The following NFAT5 variants were observed in gnomAD, a reference collection of about 807,000 sequenced individuals.
The protein encoded by NFAT5 is nuclear factor of activated T-cells 5.
In NFAT5, 31 loss-of-function variants were observed where a neutral mutation model predicts 166.5. The observed-to-expected ratio is 0.19, with a 90% CI of 0.14 to 0.25. The LOEUF is 0.25. Ranked by LOEUF, NFAT5 falls within the 10% of genes least tolerant of loss-of-function variation. NFAT5 has a pLI of 1.00. For synonymous variants in NFAT5, 612 were observed against 639.7 expected (o/e 0.96, Z 0.65); for missense variants, 1,449 against 1,821.8 (o/e 0.80, Z 3.72).
rs1032520662 is a variant in NFAT5 at position 69,651,667 on chromosome 16, G to A, written c.813-1569G>A. On this transcript the variant is annotated intron_variant, in intron 4 of 14. Transcript: ENST00000349945. ...ACCCTGACTTTATTTAAAAACATACGTGAATTTTTTTTTTTTTTTTGAGAC... is the reference window on the plus strand; with the variant it reads ...ACCCTGACTTTATTTAAAAACATACATGAATTTTTTTTTTTTTTTTGAGAC... Among the ~76,000 whole-genome samples the A allele has an allele frequency of 2.9e-5, 4 of 135,896 alleles. No individual in the cohort carries two copies. In the South Asian group the frequency reaches 1.0e-3, roughly 35 times the overall value. 89.2% of individuals were successfully genotyped at this position (135,896 alleles called of 152,430 possible). A position where few individuals can be genotyped will look rare whatever the true frequency, so the allele number is the denominator to read the frequency against.
chr16:69,668,437 A>G (rs919255438), intron 7 of NFAT5, among the ~76,000 whole-genome samples: 2 of 152,164 alleles, frequency 1.3e-5, no homozygotes, highest in African/African-American at 4.8e-5. Flanking sequence ...TGGACTTTGA[A>G]TTTCTTTGCA....
intron 2 of NFAT5, among the ~76,000 whole-genome samples, chr16:69,577,115 TG>T (rs1329338258): frequency 6.6e-6 from 1 of 152,220 alleles, no homozygotes; most frequent in African/African-American, 2.4e-5. Context: ...TTTTTTAATC[TG>T]CCCCTTTCAC....
chr16:69,575,634 AAAAT>A (rs1466722901), intron 2 of NFAT5, among the ~76,000 whole-genome samples: 4 of 150,868 alleles, frequency 2.7e-5, no homozygotes, highest in African/African-American at 4.9e-5. Flanking sequence ...TAATAATAAT[AAAAT>A]AAATAAATAA....
At position 69,647,472 on chromosome 16, in the gene NFAT5, G is replaced by A. The variant is rs1163354749; in HGVS notation, c.698G>A (p.Arg233Gln). 1.7e-5 allele frequency: 27 copies of A among 1,613,606 alleles called. No homozygotes were observed. Among genetic ancestry groups the A allele is most frequent in the South Asian group, 3.3e-5 (3 of 91,078 alleles). The stretch of plus-strand genomic sequence containing the variant: ...AAGCAGAGGCCGGGGGTCAAACGAC[G>A]AGATTGTGAAGAATCTAATATGGAT... ...NPKQRPGVKR[R>Q]DCEESNMDIF... The change falls in exon 4 of 15, where the codon CGA becomes CAA. Residue 233 changes from arginine (R) to glutamine (Q), a missense_variant. By Grantham distance (43) the Arg-to-Gln change is conservative (BLOSUM62 1). This residue lies in a region of NFAT5 where 115 missense variants were observed against 177.1 expected (regional missense o/e 0.65). Transcript: ENST00000349945. This position sits in a 1 kb window ranked among gnomAD's most constrained non-coding sequence, Gnocchi z 4.8.
chr16:69,566,225 G>A lies in NFAT5; in HGVS notation c.-77G>A, dbSNP rs1478852532. 13 of 1,399,292 alleles carry A rather than the reference G, an allele frequency of 9.3e-6. No homozygotes were observed. The highest frequency in any genetic ancestry group is 1.3e-5 in the Non-Finnish European group (13 of 1,014,952). The allele number at this position is 1,399,292 out of a possible 1,614,324, so 86.7% of individuals were successfully genotyped here. On this transcript the variant is annotated 5_prime_UTR_variant, in exon 1 of 15. Transcript: ENST00000349945. This position sits in a 1 kb window ranked among gnomAD's most constrained non-coding sequence, Gnocchi z 5.7. ...CGCCGCCCCCGGTTCGGTGCCCGCG[G>A]TCCCGGAGAGGAGGTGCCGCCGCCA... is the stretch of plus-strand genomic sequence containing the variant.
At chr16:69,595,625 T>C (rs1328862864) in intron 2 of NFAT5, among the ~76,000 whole-genome samples, 1 of 152,218 alleles carries the variant, frequency 6.6e-6, no homozygotes, top group Non-Finnish European at 1.5e-5. Context: ...TTTCATTCTT[T>C]CGCAGTTTTA....
intron 2 of NFAT5, among the ~76,000 whole-genome samples, chr16:69,611,508 G>A (rs1251766472): frequency 6.6e-6 from 1 of 152,156 alleles, no homozygotes. Context: ...AATGCCTTAG[G>A]CAAGGTAATT....
intron 5 of NFAT5, among the ~76,000 whole-genome samples, chr16:69,655,277 T>C (rs1038464858): frequency 3.3e-5 from 5 of 152,160 alleles, no homozygotes; most frequent in Non-Finnish European, 7.4e-5. Context: ...CCATTAGTTA[T>C]GGTGGTAGGT....
At chr16:69,668,091 C>T (rs953353512) in intron 7 of NFAT5, among the ~76,000 whole-genome samples, 9 of 152,050 alleles carry the variant, frequency 5.9e-5, no homozygotes, top group Admixed American at 2.6e-4. Flanking sequence ...CTCAGCCTCC[C>T]GAGTAGCTGG....
At chr16:69,605,449 A>G (rs564746169) in intron 2 of NFAT5, among the ~76,000 whole-genome samples, 22 of 152,370 alleles carry the variant, frequency 1.4e-4, no homozygotes, top group Middle Eastern at 3.4e-3. Context: ...AAAAGAAAAT[A>G]GAAAAGTAGT....
At chr16:69,653,187 CA>C (rs1215616878) in intron 4 of NFAT5, 48 bp from the exon 5 acceptor site, 1 of 1,248,964 alleles carries the variant, frequency 8.0e-7, no homozygotes, top group South Asian at 1.6e-5. Context: ...TTTTTTTTAT[CA>C]AAAAACTCTT....
chr16:69,617,234 GC>G lies in NFAT5; in HGVS notation c.128-9166del, dbSNP rs374602689. ...TGGGATTACAGGCGTGAGCCACCGT[GC>G]CCAGCCTCAAAGTTCTTAAAGCTCT... On this transcript the variant is annotated intron_variant, in intron 2 of 14. Coordinates refer to ENST00000349945, the MANE Select transcript of NFAT5 (RefSeq NM_138713.4). Among the ~76,000 whole-genome samples the G allele has an allele frequency of 4.0e-3, 612 of 152,194 alleles. 1 individual carries two copies. The highest frequency in any genetic ancestry group is 0.017 in the Middle Eastern group (5 of 294).
intron 4 of NFAT5, among the ~76,000 whole-genome samples, chr16:69,651,895 C>T (rs1438792014): frequency 2.6e-5 from 4 of 151,884 alleles, no homozygotes; most frequent in African/African-American, 9.7e-5. Flanking sequence ...TGGTCTCAAA[C>T]TCCTGACCTC....
intron 10 of NFAT5, among the ~76,000 whole-genome samples, chr16:69,684,007 G>A (rs567889717): frequency 9.9e-5 from 15 of 151,648 alleles, no homozygotes; most frequent in Admixed American, 3.3e-4. Flanking sequence ...GCTGAGGCAC[G>A]AGAATCCCTT....
chr16:69,610,351 T>C (rs77976406), intron 2 of NFAT5, among the ~76,000 whole-genome samples: 6,543 of 152,200 alleles, frequency 0.043, 480 homozygotes, highest in African/African-American at 0.15. Context: ...TTTTTGTTTG[T>C]CTAATATTTT....
At chr16:69,652,141 T>A (rs1041460141) in intron 4 of NFAT5, among the ~76,000 whole-genome samples, 3 of 152,104 alleles carry the variant, frequency 2.0e-5, no homozygotes, top group African/African-American at 4.8e-5. Context: ...TATAAATAAA[T>A]GTTAAAAAGC....
chr16:69,614,879 T>TC (rs1191229613), intron 2 of NFAT5, among the ~76,000 whole-genome samples: 1 of 3,710 alleles, frequency 2.7e-4, no homozygotes, highest in Non-Finnish European at 6.6e-4. Flanking sequence ...TTCTTTTTCC[T>TC]TTTTTTTTTT....
chr16:69,655,908 T>C, intron 6 of NFAT5, 109 bp downstream of exon 6: 1 of 752,586 alleles, frequency 1.3e-6, no homozygotes. Context: ...TAAAATGTTT[T>C]AAATATTATG....
intron 11 of NFAT5, among the ~76,000 whole-genome samples, chr16:69,686,423 T>C (rs2037307321): frequency 6.6e-6 from 1 of 151,982 alleles, no homozygotes; most frequent in African/African-American, 2.4e-5. Context: ...TTCATGAGAC[T>C]GAGGTAGGAG....
Sources: gnomAD v4.1 joint callset for allele counts (sites outside exome capture counted in the v4.1 genomes callset) on GRCh38, gnomAD v4.1.1 for gene constraint, gnomAD v4.1.1 regional missense constraint, Gnocchi (gnomAD v3.1) non-coding constraint, MANE v1.5 for transcripts, NCBI Gene and HGNC (gene_info 2026-07-23, HGNC 2026-07-21) for gene names.